Variants in LPIN2 observed in about 807,000 individuals in gnomAD.
LPIN2 encodes phosphatidate phosphatase LPIN2.
In LPIN2, 55 loss-of-function variants were observed where a neutral mutation model predicts 111.4. The ratio of observed to expected loss-of-function variants is 0.49; its 90% confidence interval spans 0.40 to 0.62. The LOEUF (loss-of-function observed/expected upper bound fraction) is 0.62. LPIN2 is among the 20% of genes least tolerant of loss of function. The pLI, the probability that LPIN2 is intolerant of heterozygous loss-of-function variation, is 0.00. For synonymous variants in LPIN2, 425 were observed against 414.0 expected (o/e 1.03, Z -0.32); for missense variants, 992 against 1,112.1 (o/e 0.89, Z 1.54).
At chr18:2,939,391 C>A (rs2077337907) in intron 6 of LPIN2, 89 bp downstream of exon 6, 2 of 1,517,240 alleles carry the variant, frequency 1.3e-6, no homozygotes, top group Non-Finnish European at 1.8e-6. Flanking sequence ...AGAGCTCAGT[C>A]AGAAATTGCC....
rs2077114712 is a variant in LPIN2, at chr18:2,925,316, A to C, written c.1846T>G (p.Ser616Ala). ...SDEGSQELEE[S>A]ITVDPIPTEP... The stretch of plus-strand genomic sequence containing the variant: ...GTGGGGATGGGGTCCACTGTGATGG[A>C]TTCTTCGAGCTCCTGTGATCCCTCG... Residue 616 changes from serine (S) to alanine (A), a missense_variant, in exon 14 of 20, where the codon TCC becomes GCC. Physicochemically the swap from Ser to Ala is moderately conservative, Grantham distance 99. This residue lies in a region of LPIN2 where 709 missense variants were observed against 753.2 expected (regional missense o/e 0.94). Coordinates refer to ENST00000677752, the MANE Select transcript of LPIN2 (RefSeq NM_001375808.2). The surrounding 1 kb of genome is among the most constrained non-coding windows in gnomAD (Gnocchi z 4.1). 6.2e-7 allele frequency: 1 copy of C among 1,614,040 alleles called. No homozygotes were observed. Among genetic ancestry groups the C allele is most frequent in the South Asian group, 1.1e-5 (1 of 91,080 alleles).
intron 1 of LPIN2, among the ~76,000 whole-genome samples, chr18:2,988,633 TAAAAG>T (rs2078220298): frequency 6.6e-6 from 1 of 152,164 alleles, no homozygotes. Context: ...CACTAAGTAG[TAAAAG>T]AAAAGGGGAA....
In LPIN2 at chr18:2,951,316, G is replaced by A. The variant is rs1206621033; in HGVS notation, c.329C>T (p.Thr110Ile). 1 of 1,613,998 alleles carries A rather than the reference G, an allele frequency of 6.2e-7. No individual in the cohort carries two copies. The highest frequency in any genetic ancestry group is 1.3e-5 in the African/African-American group (1 of 74,900). ...PAYLATSPIP[T>I]EDQFFKDIDT... ...AATATCTTTAAAGAACTGATCTTCA[G>A]TAGGAATTGGTGAGGTGGCAAGGTA... The change falls in exon 4 of 20, where the codon ACT becomes ATT. Residue 110 changes from threonine to isoleucine, a missense_variant. Thr to Ile is a moderately conservative substitution (Grantham distance 89). Coordinates refer to ENST00000677752, the MANE Select transcript of LPIN2 (RefSeq NM_001375808.2).
intron 1 of LPIN2, among the ~76,000 whole-genome samples, chr18:2,961,145 T>C (rs1165431292): frequency 6.6e-6 from 1 of 152,072 alleles, no homozygotes; most frequent in Non-Finnish European, 1.5e-5. Context: ...AGGGACTTTT[T>C]CCCCAAAGTT....
At chr18:2,924,802 G>C (rs2077106034) in intron 14 of LPIN2, among the ~76,000 whole-genome samples, 1 of 152,198 alleles carries the variant, frequency 6.6e-6, no homozygotes, top group Non-Finnish European at 1.5e-5. Context: ...CTCCACACCT[G>C]AGAATTACTG....
chr18:2,932,416 C>T (rs796502171), intron 8 of LPIN2, among the ~76,000 whole-genome samples: 1 of 152,260 alleles, frequency 6.6e-6, no homozygotes, highest in African/African-American at 2.4e-5. Context: ...AACTAGGTAA[C>T]AGTTTCAAAA....
intron 1 of LPIN2, among the ~76,000 whole-genome samples, chr18:3,008,879 G>GTT (rs76748358): frequency 0.038 from 4,691 of 123,248 alleles, 383 homozygotes; most frequent in African/African-American, 0.14. Context: ...CCACAGCTGT[G>GTT]TTTTTTTTTT....
chr18:2,952,644 G>C (rs8089644), intron 3 of LPIN2, among the ~76,000 whole-genome samples: 19,561 of 151,974 alleles, frequency 0.13, 1,392 homozygotes, highest in South Asian at 0.17. Flanking sequence ...AAGATATTCT[G>C]AATGTCCAAA....
chr18:2,995,338 T>C (rs530743886), intron 1 of LPIN2, among the ~76,000 whole-genome samples: 2 of 152,356 alleles, frequency 1.3e-5, no homozygotes, highest in African/African-American at 4.8e-5. Context: ...GCTCTTTGCA[T>C]GTTTTAACTT....
intron 1 of LPIN2, among the ~76,000 whole-genome samples, chr18:3,000,357 C>T (rs992141091): frequency 4.4e-4 from 67 of 152,148 alleles, no homozygotes; most frequent in African/African-American, 1.5e-3. Flanking sequence ...AATTTCCTGG[C>T]GTCAGAAACA....
chr18:2,996,921 T>C (rs997830284), intron 1 of LPIN2, among the ~76,000 whole-genome samples: 8 of 152,220 alleles, frequency 5.3e-5, no homozygotes, highest in Non-Finnish European at 1.0e-4. Context: ...GGTAAACTTC[T>C]GCATAAGAGG....
At position 2,951,148 on chromosome 18, in the gene LPIN2, C is replaced by T; in HGVS notation, c.497G>A (p.Ser166Asn). The T allele has an allele frequency of 6.2e-7, 1 of 1,614,226 alleles. No individual in the cohort carries two copies. Among genetic ancestry groups the T allele is most frequent in the African/African-American group, 1.3e-5 (1 of 75,062 alleles). Residue 166 changes from serine (S) to asparagine (N), a missense_variant, in exon 4 of 20, where the codon AGT becomes AAT. Around this residue, in one of 4 missense-constraint regions of LPIN2, gnomAD observed 709 missense variants for 753.2 expected, o/e 0.94. Coordinates refer to ENST00000677752, the MANE Select transcript of LPIN2 (RefSeq NM_001375808.2). ...AGATGCGGCCTGCTCTTCCTTCTTACTGTCCTGTTTGTATTTCTTTCTCCT... is the reference window on the plus strand; with the variant it reads ...AGATGCGGCCTGCTCTTCCTTCTTATTGTCCTGTTTGTATTTCTTTCTCCT... ...KRRRKKYKQDSKKEEQAASAA... is the reference protein window; with the variant it reads ...KRRRKKYKQDNKKEEQAASAA...
At chr18:2,930,447 C>A (rs1421758813) in intron 9 of LPIN2, among the ~76,000 whole-genome samples, 2 of 152,092 alleles carry the variant, frequency 1.3e-5, no homozygotes, top group Non-Finnish European at 2.9e-5. Context: ...TTCCTGTGAC[C>A]CTGGAAAGGA....
In LPIN2 at chr18:2,960,909, A is replaced by G. The variant is rs1424666320; in HGVS notation, c.-9-60T>C. 6.5e-6 allele frequency: 9 copies of G among 1,383,700 alleles called. No individual in the cohort carries two copies. In the Admixed American group the frequency reaches 1.7e-4, roughly 27 times the overall value. 85.7% of individuals were successfully genotyped at this position (1,383,700 alleles called of 1,614,324 possible). A position where few individuals can be genotyped will look rare whatever the true frequency, so the allele number is the denominator to read the frequency against. On this transcript the variant is annotated intron_variant, in intron 1 of 19. Coordinates refer to ENST00000677752, the MANE Select transcript of LPIN2 (RefSeq NM_001375808.2). Reference sequence around the variant, plus strand: ...CTAAATTTGTGATCTATTGACAAAGAAATAACAGTCGTAACAAAAATGACA... The same window carrying G: ...CTAAATTTGTGATCTATTGACAAAGGAATAACAGTCGTAACAAAAATGACA...
rs2077031323 is a variant in LPIN2 at position 2,920,179 on chromosome 18, G to A, written c.*114C>T. ...AAGGAGGATGGCGGGACCAGCTCCA[G>A]AAGCACCCGTCCCCGCTGGGGAAGG... On this transcript the variant is annotated 3_prime_UTR_variant, in exon 20 of 20. Coordinates refer to ENST00000677752, the MANE Select transcript of LPIN2 (RefSeq NM_001375808.2). 4.1e-6 allele frequency: 6 copies of A among 1,446,322 alleles called. No homozygotes were observed. In the African/African-American group the frequency reaches 8.4e-5, roughly 20 times the overall value. 89.6% of individuals were successfully genotyped at this position (1,446,322 alleles called of 1,614,324 possible).
chr18:2,970,103 A>G (rs2077882061), intron 1 of LPIN2, among the ~76,000 whole-genome samples: 3 of 152,216 alleles, frequency 2.0e-5, no homozygotes, highest in Admixed American at 2.0e-4. Flanking sequence ...CCCTTCCACA[A>G]TTACAACCAA....
In LPIN2 at chr18:2,976,072, A is replaced by G. The variant is rs184972929; in HGVS notation, c.-9-15223T>C. On this transcript the variant is annotated intron_variant, in intron 1 of 19. Transcript: ENST00000677752. ...AAAGTAATATATTACTATAGGTTCTATGTCTAGGGAAGGACATGTTAAACT... is the reference window on the plus strand; with the variant it reads ...AAAGTAATATATTACTATAGGTTCTGTGTCTAGGGAAGGACATGTTAAACT... Among the ~76,000 whole-genome samples the G allele has an allele frequency of 3.5e-3, 528 of 152,338 alleles. 3 individuals carry two copies. The highest frequency in any genetic ancestry group is 5.4e-3 in the Non-Finnish European group (368 of 68,032).
chr18:2,995,318 T>G lies in LPIN2; in HGVS notation c.-10+17769A>C, dbSNP rs187991832. On this transcript the variant is annotated intron_variant, in intron 1 of 19. Coordinates refer to ENST00000677752, the MANE Select transcript of LPIN2 (RefSeq NM_001375808.2). ...AAATGACTTTCTAAATCTAAATGCT[T>G]CAATCATCAGCTCTTTGCATGTTTT... Among the ~76,000 whole-genome samples the G allele has an allele frequency of 6.6e-5, 10 of 152,310 alleles. No homozygotes were observed. In the East Asian group the frequency reaches 1.9e-3, roughly 29 times the overall value.
chr18:2,971,818 C>CG (rs35378841), intron 1 of LPIN2, among the ~76,000 whole-genome samples: 20 of 149,372 alleles, frequency 1.3e-4, no homozygotes, highest in Admixed American at 8.7e-4. Context: ...GAGGCCGAGG[C>CG]GGGGGGTGGA....
Sources: allele counts gnomAD v4.1 joint callset (sites outside exome capture counted in the v4.1 genomes callset), GRCh38; gene constraint gnomAD v4.1.1; regional missense constraint gnomAD v4.1.1; non-coding constraint Gnocchi (gnomAD v3.1); transcripts MANE v1.5; gene names NCBI Gene and HGNC (gene_info 2026-07-23, HGNC 2026-07-21).